The following ATP8A1 variants were observed in gnomAD, a reference collection of about 807,000 sequenced individuals.
The protein encoded by ATP8A1 is ATPase phospholipid transporting 8A1, also known as phospholipid-transporting ATPase IA.
In ATP8A1, 90 loss-of-function variants were observed where a neutral mutation model predicts 177.7. The ratio of observed to expected loss-of-function variants is 0.51; its 90% CI spans 0.43 to 0.60. ATP8A1 has a LOEUF of 0.60. ATP8A1 is among the 20% of genes least tolerant of loss of function. The pLI, the probability that ATP8A1 is intolerant of heterozygous loss-of-function variation, is 0.00. For synonymous variants in ATP8A1, 493 were observed against 485.9 expected, an observed-to-expected ratio of 1.01 and a Z score of -0.19; for missense variants, 1,072 against 1,392.8, an observed-to-expected ratio of 0.77 and a Z score of 3.67.
chr4:42,550,743 T>C (rs1729421040), intron 18 of ATP8A1, among the ~76,000 whole-genome samples: 1 of 152,214 alleles, frequency 6.6e-6, no homozygotes, highest in South Asian at 2.1e-4. Context: ...CATCTCACTG[T>C]GGTCTTAATT....
chr4:42,503,444 A>G lies in ATP8A1; in HGVS notation c.2151+6T>C. Reference sequence around the variant, plus strand: ...AGGAGTTTTAAAAATACATAATTTTACTTACATCAAGAGAGCCTTCATTTA... The same window carrying G: ...AGGAGTTTTAAAAATACATAATTTTGCTTACATCAAGAGAGCCTTCATTTA... On this transcript the variant is annotated splice_donor_region_variant and intron_variant, in intron 24 of 36. Transcript: ENST00000381668. 6.4e-7 allele frequency: 1 copy of G among 1,556,518 alleles called. No individual in the cohort carries two copies. The highest frequency in any genetic ancestry group is 8.8e-7 in the Non-Finnish European group (1 of 1,132,938).
chr4:42,530,595 G>A (rs559509701), intron 20 of ATP8A1, among the ~76,000 whole-genome samples: 104 of 152,336 alleles, frequency 6.8e-4, no homozygotes, highest in African/African-American at 2.4e-3. Flanking sequence ...AAGACGTGTG[G>A]CAGTGGGCTC....
chr4:42,497,083 A>G (rs932227254), intron 24 of ATP8A1, among the ~76,000 whole-genome samples: 2 of 152,178 alleles, frequency 1.3e-5, no homozygotes, highest in African/African-American at 4.8e-5. Context: ...AGCTGCTGGA[A>G]TATTTCTTTC....
intron 19 of ATP8A1, among the ~76,000 whole-genome samples, chr4:42,544,690 T>C (rs1346316984): frequency 2.0e-5 from 3 of 152,178 alleles, no homozygotes; most frequent in Admixed American, 6.5e-5. Context: ...ATAGGACTCA[T>C]TTGGACCATG....
chr4:42,634,851 G>A (rs1018741195), intron 1 of ATP8A1, among the ~76,000 whole-genome samples: 4 of 152,128 alleles, frequency 2.6e-5, no homozygotes, highest in Non-Finnish European at 4.4e-5. Context: ...ACTTCTACAT[G>A]GGCAAATTAT....
At chr4:42,640,047 T>G (rs1347759517) in intron 1 of ATP8A1, among the ~76,000 whole-genome samples, 2 of 152,226 alleles carry the variant, frequency 1.3e-5, no homozygotes, top group Non-Finnish European at 2.9e-5. Flanking sequence ...CATGATTGGC[T>G]GAATCCATGG....
intron 25 of ATP8A1, chr4:42,472,016 GA>G: frequency 1.4e-6 from 1 of 720,226 alleles, no homozygotes; most frequent in South Asian, 1.4e-5. Flanking sequence ...TTCCTCAACT[GA>G]AATCTTTCCA....
intron 9 of ATP8A1, 100 bp downstream of exon 9, chr4:42,586,249 T>G (rs1379988784): frequency 7.1e-7 from 1 of 1,404,212 alleles, no homozygotes. Context: ...GGACTCAAAC[T>G]TAGCACACAA....
intron 33 of ATP8A1, among the ~76,000 whole-genome samples, chr4:42,433,120 G>A (rs966239050): frequency 6.6e-6 from 1 of 152,120 alleles, no homozygotes; most frequent in Non-Finnish European, 1.5e-5. Flanking sequence ...CAACTTTCTG[G>A]TTCTAGCTCC....
At chr4:42,635,760 CA>C (rs1245320103) in intron 1 of ATP8A1, among the ~76,000 whole-genome samples, 1 of 63,180 alleles carries the variant, frequency 1.6e-5, no homozygotes, top group African/African-American at 7.6e-5. Flanking sequence ...TATATACACA[CA>C]CACACACACA....
intron 27 of ATP8A1, among the ~76,000 whole-genome samples, chr4:42,462,568 C>A (rs1388886254): frequency 2.0e-5 from 3 of 152,234 alleles, no homozygotes; most frequent in Non-Finnish European, 4.4e-5. Flanking sequence ...TGCCTGGATG[C>A]CCAGGCATAA....
chr4:42,455,997 C>G (rs1718441952), intron 27 of ATP8A1, among the ~76,000 whole-genome samples: 1 of 152,008 alleles, frequency 6.6e-6, no homozygotes, highest in African/African-American at 2.4e-5. Flanking sequence ...ATAAAAGTAA[C>G]ACTTGTTTAT....
At chr4:42,466,031 CA>C (rs57949092) in intron 25 of ATP8A1, among the ~76,000 whole-genome samples, 37 of 108,082 alleles carry the variant, frequency 3.4e-4, no homozygotes, top group African/African-American at 1.3e-3. Context: ...GACTCCGTCT[CA>C]AAAAAAAAAA....
intron 1 of ATP8A1, among the ~76,000 whole-genome samples, chr4:42,642,693 A>G (rs980446300): frequency 6.6e-6 from 1 of 152,210 alleles, no homozygotes; most frequent in African/African-American, 2.4e-5. Context: ...AGAACCTTCT[A>G]ATGCCATAAA....
chr4:42,426,427 G>C (rs1676131606), intron 33 of ATP8A1, among the ~76,000 whole-genome samples: 1 of 152,208 alleles, frequency 6.6e-6, no homozygotes, highest in Non-Finnish European at 1.5e-5. Context: ...GCCCTTTGCA[G>C]AACTCTAAGA....
At position 42,516,888 on chromosome 4, in the gene ATP8A1, T is replaced by C. The variant is rs16854457; in HGVS notation, c.1947+5272A>G. ...TGATATCACCCTGGCTCCTGATATA[T>C]TAAAGTGACAGATCAAAGGTGAGAA... On this transcript the variant is annotated intron_variant, in intron 22 of 36. Transcript: ENST00000381668. Among the ~76,000 whole-genome samples, 986 of 152,322 alleles carry C rather than the reference T, an allele frequency of 6.5e-3. 12 individuals carry two copies. The highest frequency in any genetic ancestry group is 0.023 in the African/African-American group (937 of 41,570).
At chr4:42,436,551 T>C (rs1716018803) in intron 33 of ATP8A1, among the ~76,000 whole-genome samples, 2 of 152,264 alleles carry the variant, frequency 1.3e-5, no homozygotes, top group South Asian at 4.1e-4. Flanking sequence ...CAGCTGCCTT[T>C]AGAACAGTGA....
In ATP8A1 at chr4:42,502,733, A is replaced by G. The variant is rs549314146; in HGVS notation, c.2151+717T>C. Among the ~76,000 whole-genome samples the G allele has an allele frequency of 1.2e-4, 19 of 152,300 alleles. No homozygotes were observed. In the East Asian group the frequency reaches 3.7e-3, roughly 29 times the overall value. ...CGCATGTGGCCTCTCAGCTTCGTCA[A>G]CATCCCTAATTACCAAGGTTTTCTC... On this transcript the variant is annotated intron_variant, in intron 24 of 36. Transcript: ENST00000381668.
chr4:42,474,473 A>G (rs1720830239), intron 25 of ATP8A1, among the ~76,000 whole-genome samples: 1 of 152,168 alleles, frequency 6.6e-6, no homozygotes, highest in Non-Finnish European at 1.5e-5. Flanking sequence ...AAACACTCCA[A>G]TTCCAGGAGT....
Sources: gnomAD v4.1 joint callset for allele counts (sites outside exome capture counted in the v4.1 genomes callset) on GRCh38, gnomAD v4.1.1 for gene constraint, MANE v1.5 for transcripts, NCBI Gene and HGNC (gene_info 2026-07-23, HGNC 2026-07-21) for gene names.